The following GLB1 variants were observed in gnomAD, a reference collection of about 807,000 sequenced individuals.
GLB1 encodes beta-galactosidase.
Under a neutral mutation model 74.0 loss-of-function variants are expected in GLB1, and 56 were observed. The observed-to-expected ratio is 0.76, with a 90% CI of 0.61 to 0.94. The LOEUF is 0.94. Ranked by LOEUF, GLB1 falls within the 40% of genes least tolerant of loss-of-function variation. The pLI is 0.00. For synonymous variants in GLB1, 323 were observed against 323.6 expected, an observed-to-expected ratio of 1.00 and a Z score of 0.02; for missense variants, 787 against 845.5, an observed-to-expected ratio of 0.93 and a Z score of 0.86.
At chr3:33,059,047 C>G (rs1699338117) in intron 5 of GLB1, among the ~76,000 whole-genome samples, 1 of 152,162 alleles carries the variant, frequency 6.6e-6, no homozygotes, top group African/African-American at 2.4e-5. Flanking sequence ...GGTAGAGGCC[C>G]AGGGATGCTG....
chr3:32,964,830 C>T, the GLB1 span, among the ~76,000 whole-genome samples: 2 of 152,186 alleles, frequency 1.3e-5, no homozygotes, highest in African/African-American at 2.4e-5. Flanking sequence ...ACAATCCCCA[C>T]GTGTCATGGG....
At chr3:33,043,576 T>C (rs913239161) in intron 10 of GLB1, among the ~76,000 whole-genome samples, 2 of 152,070 alleles carry the variant, frequency 1.3e-5, no homozygotes, top group African/African-American at 4.8e-5. Flanking sequence ...GGTAAACGAA[T>C]AGAAATTATA....
rs78400775 is a variant in GLB1, at chr3:33,034,746, A to T, written c.1069-10421T>A. 3,207 of 680,694 alleles carry T rather than the reference A, an allele frequency of 4.7e-3. 72 individuals carry two copies. In the African/African-American group the frequency reaches 0.049, roughly 10 times the overall value. The allele number at this position is 680,694 out of a possible 1,614,324, so 42.2% of individuals were successfully genotyped here. On this transcript the variant is annotated intron_variant, in intron 10 of 15. Transcript: ENST00000307363. Reference sequence around the variant, plus strand: ...GATGGGCAGTGGGTGTGTATCAGTGATGTCAACAAGGGCCAGGGCTCTGTG... The same window carrying T: ...GATGGGCAGTGGGTGTGTATCAGTGTTGTCAACAAGGGCCAGGGCTCTGTG...
intron 10 of GLB1, among the ~76,000 whole-genome samples, chr3:33,033,612 G>C (rs188812216): frequency 6.6e-6 from 1 of 150,688 alleles, no homozygotes; most frequent in East Asian, 2.1e-4. Flanking sequence ...GTGAAACCCC[G>C]TCTCTACTAA....
intron 10 of GLB1, chr3:33,037,836 CAG>C (rs1453180189): frequency 4.6e-5 from 7 of 151,956 alleles, no homozygotes; most frequent in African/African-American, 1.7e-4. Context: ...TGAAGAAAAA[CAG>C]TAATAAAAAT....
At position 33,008,993 on chromosome 3, in the gene GLB1, C is replaced by A. The variant is rs1163134862; in HGVS notation, c.1734+5063G>T. ...AATTAGCCAGGCGTGGTGGTGCATG[C>A]CTGTAATCCCAGCTACATGGGAGGC... On this transcript the variant is annotated intron_variant, in intron 15 of 15. Transcript: ENST00000307363. Among the ~76,000 whole-genome samples, 8 of 152,010 alleles carry A rather than the reference C, an allele frequency of 5.3e-5. No homozygotes were observed. In the East Asian group the frequency reaches 7.7e-4, roughly 15 times the overall value.
intron 10 of GLB1, among the ~76,000 whole-genome samples, chr3:33,042,861 A>C (rs193278166): frequency 6.6e-6 from 1 of 152,330 alleles, no homozygotes; most frequent in Admixed American, 6.5e-5. Context: ...TTTTCAGGAA[A>C]GCCTACAGCC....
intron 6 of GLB1, among the ~76,000 whole-genome samples, chr3:33,056,188 T>C (rs1388857514): frequency 7.7e-6 from 1 of 129,428 alleles, no homozygotes; most frequent in East Asian, 2.3e-4. Flanking sequence ...GATCGGGTCG[T>C]TGCACTCCAG....
At position 33,093,324 on chromosome 3, in the gene GLB1, A is replaced by G; in HGVS notation, c.75+3687T>C. On this transcript the variant is annotated intron_variant, in intron 1 of 15. Coordinates refer to ENST00000307363, the MANE Select transcript of GLB1 (RefSeq NM_000404.4). The surrounding 1 kb of genome is among the most constrained non-coding windows in gnomAD (Gnocchi z 6.0). Reference sequence around the variant, plus strand: ...AGGCTGGACATGCAGGGATTCCAGAAGTGCAAACCAGTTGCTGACATCTGA... The same window carrying G: ...AGGCTGGACATGCAGGGATTCCAGAGGTGCAAACCAGTTGCTGACATCTGA... The G allele has an allele frequency of 1.2e-6, 2 of 1,614,184 alleles. No individual in the cohort carries two copies. Among genetic ancestry groups the G allele is most frequent in the Non-Finnish European group, 1.7e-6 (2 of 1,180,030 alleles).
At chr3:32,984,949 A>G in the GLB1 span, among the ~76,000 whole-genome samples, 1 of 150,848 alleles carries the variant, frequency 6.6e-6, no homozygotes. Context: ...CTCAAAAAAA[A>G]AAAAAATTAG....
the GLB1 span, among the ~76,000 whole-genome samples, chr3:32,963,290 GA>G: frequency 1.3e-4 from 19 of 151,696 alleles, no homozygotes; most frequent in Non-Finnish European, 2.4e-4. Context: ...ATTCCAAACA[GA>G]AAAAAAATAT....
At chr3:32,980,684 G>A in the GLB1 span, among the ~76,000 whole-genome samples, 5,184 of 152,146 alleles carry the variant, frequency 0.034, 205 homozygotes, top group East Asian at 0.17. Context: ...GGGAGGCCAA[G>A]GTAGGAGAAT....
rs940116619 is a variant in GLB1, at chr3:33,091,618, CA to C, written c.75+5392del. The C allele has an allele frequency of 3.4e-5, 33 of 984,190 alleles. No homozygotes were observed. In the African/African-American group the frequency reaches 4.7e-4, roughly 14 times the overall value. The allele number at this position is 984,190 out of a possible 1,614,324, so 61.0% of individuals were successfully genotyped here. Reference sequence around the variant, plus strand: ...ACAAGGCTTGATGGATCCCTCCTGACAAAACAATCTTGAGGTAGATACGATA... The same window carrying C: ...ACAAGGCTTGATGGATCCCTCCTGACAAACAATCTTGAGGTAGATACGATA... On this transcript the variant is annotated intron_variant, in intron 1 of 15. Coordinates refer to ENST00000307363, the MANE Select transcript of GLB1 (RefSeq NM_000404.4).
At chr3:32,978,761 C>CTTT in the GLB1 span, among the ~76,000 whole-genome samples, 1 of 84,536 alleles carries the variant, frequency 1.2e-5, no homozygotes, top group East Asian at 2.8e-4. Flanking sequence ...TTCTTTCTTT[C>CTTT]TTTCTTTTTT....
intron 6 of GLB1, among the ~76,000 whole-genome samples, chr3:33,056,537 C>A (rs1699231086): frequency 1.3e-5 from 2 of 152,062 alleles, no homozygotes; most frequent in African/African-American, 4.8e-5. Context: ...CCTCATCCTC[C>A]CTAGTAGCTA....
In GLB1 at chr3:33,055,767, C is replaced by T. The variant is rs527938489; in HGVS notation, c.734-2218G>A. ...CAGGTAGGAGGCACTGCGCTGGGCCCGTTTTTTTTTTTTAAAAGGCAAAAA... is the reference window on the plus strand; with the variant it reads ...CAGGTAGGAGGCACTGCGCTGGGCCTGTTTTTTTTTTTTAAAAGGCAAAAA... On this transcript the variant is annotated intron_variant, in intron 6 of 15. Coordinates refer to ENST00000307363, the MANE Select transcript of GLB1 (RefSeq NM_000404.4). 2.3e-3 allele frequency among the ~76,000 whole-genome samples: 349 copies of T among 150,444 alleles called. 3 individuals are homozygous for T. The highest frequency in any genetic ancestry group is 4.0e-3 in the Non-Finnish European group (271 of 67,654).
the GLB1 span, among the ~76,000 whole-genome samples, chr3:32,979,886 A>G: frequency 6.6e-5 from 10 of 151,178 alleles, no homozygotes; most frequent in Admixed American, 5.9e-4. Flanking sequence ...AAAGAAAAGG[A>G]AGCTTTTAAG....
At chr3:32,964,685 C>T in the GLB1 span, among the ~76,000 whole-genome samples, 1 of 152,192 alleles carries the variant, frequency 6.6e-6, no homozygotes. Context: ...TCCAATAATT[C>T]TACACCTAGG....
chr3:33,034,130 A>G (rs1029500458), intron 10 of GLB1: 1 of 619,226 alleles, frequency 1.6e-6, no homozygotes, highest in African/African-American at 1.8e-5. Context: ...GAAAGAGGAA[A>G]ACGGCACCTG....
Sources: allele counts gnomAD v4.1 joint callset (sites outside exome capture counted in the v4.1 genomes callset), GRCh38; gene constraint gnomAD v4.1.1; non-coding constraint Gnocchi (gnomAD v3.1); transcripts MANE v1.5; gene names NCBI Gene and HGNC (gene_info 2026-07-23, HGNC 2026-07-21).